Variants in TMOD2 observed in about 807,000 individuals in gnomAD.
TMOD2 encodes the protein tropomodulin 2.
In TMOD2, 22 loss-of-function variants were observed where a neutral mutation model predicts 39.9. That is an observed-to-expected ratio of 0.55 (90% confidence interval 0.39 to 0.79). TMOD2 has a LOEUF of 0.79. Ranked by LOEUF, TMOD2 falls within the 30% of genes least tolerant of loss-of-function variation. The pLI is 0.00. For synonymous variants in TMOD2, 123 were observed against 146.1 expected (o/e 0.84, Z 1.14); for missense variants, 386 against 413.3 (o/e 0.93, Z 0.57).
intron 7 of TMOD2, among the ~76,000 whole-genome samples, chr15:51,787,556 G>T (rs576019637): frequency 6.6e-6 from 1 of 152,350 alleles, no homozygotes; most frequent in Admixed American, 6.5e-5. Context: ...CTGCAAGTGG[G>T]TCCCTGACCC....
In TMOD2 at chr15:51,807,587, A is replaced by G. The variant is rs142495066; in HGVS notation, c.1022-833A>G. Among the ~76,000 whole-genome samples the G allele has an allele frequency of 4.8e-3, 725 of 152,250 alleles. 9 individuals carry two copies. Among genetic ancestry groups the G allele is most frequent in the African/African-American group, 0.017 (694 of 41,536 alleles). ...CTAGGAAAAGCACATTGGGTCCACAACCAAACAATATAGAGACCAAAGGAA... is the reference window on the plus strand; with the variant it reads ...CTAGGAAAAGCACATTGGGTCCACAGCCAAACAATATAGAGACCAAAGGAA... On this transcript the variant is annotated intron_variant, in intron 9 of 9. Transcript: ENST00000249700.
At chr15:51,788,447 C>T (rs1017447967) in intron 7 of TMOD2, among the ~76,000 whole-genome samples, 3 of 152,230 alleles carry the variant, frequency 2.0e-5, no homozygotes, top group African/African-American at 7.2e-5. Flanking sequence ...AGAAAATACT[C>T]TTCAGGATAT....
At chr15:51,758,841 G>A (rs1296924942) in intron 1 of TMOD2, among the ~76,000 whole-genome samples, 1 of 152,126 alleles carries the variant, frequency 6.6e-6, no homozygotes, top group East Asian at 1.9e-4. Flanking sequence ...GGGTGAGAGT[G>A]TTCTGAGCAG....
chr15:51,799,878 C>T (rs1229923906), intron 8 of TMOD2, among the ~76,000 whole-genome samples: 1 of 152,176 alleles, frequency 6.6e-6, no homozygotes, highest in East Asian at 1.9e-4. Context: ...AGTGGATACC[C>T]TGTTCCAAAG....
chr15:51,768,601 G>A (rs113030016), intron 3 of TMOD2, among the ~76,000 whole-genome samples, 183 bp downstream of exon 3: 18,676 of 151,894 alleles, frequency 0.12, 1,483 homozygotes, highest in Admixed American at 0.23. Context: ...TTATTGTCGT[G>A]GAGGGTCAAG....
At chr15:51,799,399 G>A (rs1567246949) in intron 8 of TMOD2, among the ~76,000 whole-genome samples, 1 of 152,098 alleles carries the variant, frequency 6.6e-6, no homozygotes, top group Admixed American at 6.6e-5. Flanking sequence ...GCCTAACCCT[G>A]GAAACCCTCA....
intron 1 of TMOD2, among the ~76,000 whole-genome samples, chr15:51,756,104 C>A (rs984788845): frequency 1.3e-5 from 2 of 152,218 alleles, no homozygotes; most frequent in African/African-American, 4.8e-5. Flanking sequence ...AACACAGGGA[C>A]AAGACAACAG....
intron 7 of TMOD2, among the ~76,000 whole-genome samples, chr15:51,793,591 G>A (rs1350050659): frequency 1.3e-5 from 2 of 152,140 alleles, no homozygotes; most frequent in Non-Finnish European, 2.9e-5. Context: ...AAAACATCTA[G>A]TCTTTGTTTT....
intron 7 of TMOD2, among the ~76,000 whole-genome samples, chr15:51,786,602 C>A (rs564596546): frequency 6.6e-6 from 1 of 152,280 alleles, no homozygotes; most frequent in East Asian, 1.9e-4. Context: ...GAATGCTGAA[C>A]TAAGATTACA....
At chr15:51,808,330 G>C (rs981780927) in intron 9 of TMOD2, 90 bp from the exon 10 acceptor site, 2 of 1,003,550 alleles carry the variant, frequency 2.0e-6, no homozygotes, top group Non-Finnish European at 3.1e-6. Flanking sequence ...AAGTGTGTGA[G>C]ATTGTCATCT....
At chr15:51,794,681 A>T (rs1181675680) in intron 7 of TMOD2, among the ~76,000 whole-genome samples, 1 of 152,224 alleles carries the variant, frequency 6.6e-6, no homozygotes, top group Non-Finnish European at 1.5e-5. Context: ...AATTTTTTAA[A>T]GCTCCCAGAC....
chr15:51,780,935 A>G, intron 5 of TMOD2, 109 bp from the exon 6 acceptor site: 1 of 841,126 alleles, frequency 1.2e-6, no homozygotes, highest in Non-Finnish European at 1.8e-6. Flanking sequence ...CATTGCTATT[A>G]AAGTGTTATT....
intron 6 of TMOD2, 113 bp from the exon 7 acceptor site, chr15:51,782,608 G>A (rs2055938243): frequency 2.5e-6 from 2 of 798,342 alleles, no homozygotes; most frequent in East Asian, 5.2e-5. Context: ...CATTTAGAAG[G>A]GATATCGTGT....
intron 7 of TMOD2, among the ~76,000 whole-genome samples, chr15:51,790,368 C>A (rs987427722): frequency 6.6e-6 from 1 of 152,110 alleles, no homozygotes; most frequent in African/African-American, 2.4e-5. Context: ...TAATTAATAG[C>A]CTACCAATCA....
chr15:51,783,909 A>G (rs1385455438), intron 7 of TMOD2: 2 of 152,214 alleles, frequency 1.3e-5, no homozygotes, highest in African/African-American at 2.4e-5. Flanking sequence ...CATGATTTTT[A>G]TTCTTCCTAT....
At chr15:51,778,190 A>G (rs1047689036) in intron 5 of TMOD2, among the ~76,000 whole-genome samples, 10 of 151,890 alleles carry the variant, frequency 6.6e-5, no homozygotes, top group Non-Finnish European at 4.4e-5. Context: ...CTTTGTAGGG[A>G]CATGGATGAA....
chr15:51,762,761 T>A (rs967995351), intron 1 of TMOD2, among the ~76,000 whole-genome samples: 2 of 152,220 alleles, frequency 1.3e-5, no homozygotes, highest in South Asian at 2.1e-4. Flanking sequence ...TATAAATTAG[T>A]TTATGTGTTC....
intron 6 of TMOD2, 33 bp from the exon 7 acceptor site, chr15:51,782,688 G>A: frequency 1.3e-6 from 2 of 1,553,584 alleles, no homozygotes; most frequent in Non-Finnish European, 1.8e-6. Flanking sequence ...CCATACAATG[G>A]TTCATCAACT....
intron 7 of TMOD2, among the ~76,000 whole-genome samples, chr15:51,795,218 C>T (rs990819416): frequency 1.1e-4 from 17 of 152,108 alleles, no homozygotes; most frequent in Non-Finnish European, 1.9e-4. Context: ...GTCAGGAGTT[C>T]GAGACCAGCC....
Sources: gnomAD v4.1 joint callset for allele counts (sites outside exome capture counted in the v4.1 genomes callset) on GRCh38, gnomAD v4.1.1 for gene constraint, MANE v1.5 for transcripts, NCBI Gene and HGNC (gene_info 2026-07-23, HGNC 2026-07-21) for gene names.